The following ABCD3 variants were observed in gnomAD, a reference collection of about 807,000 sequenced individuals.
The protein encoded by ABCD3 is ATP binding cassette subfamily D member 3.
Under a neutral mutation model 105.5 loss-of-function variants are expected in ABCD3, and 41 were observed. The observed-to-expected ratio is 0.39, with a 90% CI of 0.30 to 0.50. ABCD3 has a LOEUF of 0.50. Ranked by LOEUF, ABCD3 falls within the 20% of genes least tolerant of loss-of-function variation. The probability of loss-of-function intolerance (pLI) is 0.84; values close to 1 mark genes in which losing one functional copy is unlikely to be tolerated. For synonymous variants in ABCD3, 258 were observed against 269.0 expected, an observed-to-expected ratio of 0.96 and a Z score of 0.40; for missense variants, 622 against 806.3, an observed-to-expected ratio of 0.77 and a Z score of 2.77.
At chr1:94,489,673 A>T in intron 13 of ABCD3, 52 bp from the exon 14 acceptor site, 1 of 1,255,520 alleles carries the variant, frequency 8.0e-7, no homozygotes, top group Non-Finnish European at 1.2e-6. Context: ...AAAATAAAAG[A>T]TGTGACAATA....
At chr1:94,505,441 G>T (rs1650308057) in intron 20 of ABCD3, among the ~76,000 whole-genome samples, 1 of 148,260 alleles carries the variant, frequency 6.7e-6, no homozygotes, top group African/African-American at 2.5e-5. Flanking sequence ...TCAAACTCCT[G>T]ATCTCTAGCA....
chr1:94,506,842 T>C (rs908392618), intron 21 of ABCD3, among the ~76,000 whole-genome samples, 200 bp downstream of exon 21: 3 of 151,986 alleles, frequency 2.0e-5, no homozygotes, highest in Non-Finnish European at 2.9e-5. Context: ...ATTCTCTTTA[T>C]ATATGGGAAA....
the ABCD3 span, among the ~76,000 whole-genome samples, chr1:94,395,159 T>C: frequency 6.6e-6 from 1 of 152,186 alleles, no homozygotes; most frequent in East Asian, 1.9e-4. Context: ...ATAATGCTTC[T>C]CTCAATACTC....
rs1649945751 is a variant in ABCD3, at chr1:94,498,661, T to C, written c.1446T>C (p.Leu482=). 1 of 1,613,964 alleles carries C rather than the reference T, an allele frequency of 6.2e-7. No individual in the cohort carries two copies. The highest frequency in any genetic ancestry group is 8.5e-7 in the Non-Finnish European group (1 of 1,179,980). The change falls in exon 17 of 23, where the codon CTT becomes CTC. Residue 482 remains leucine (L), a synonymous_variant. Transcript: ENST00000370214. ...CGPNGCGKSS[L]FRVLGELWPL... is the part of the protein sequence containing the mutation. Reference sequence around the variant, plus strand: ...CAAATGGCTGCGGAAAGAGTTCACTTTTCCGTGTTCTTGGTGAAGTAAGTA... The same window carrying C: ...CAAATGGCTGCGGAAAGAGTTCACTCTTCCGTGTTCTTGGTGAAGTAAGTA...
At chr1:94,496,694 G>GTTTTTTTTTTTTTTTTTTT (rs71094302) in intron 16 of ABCD3, among the ~76,000 whole-genome samples, 1 of 39,370 alleles carries the variant, frequency 2.5e-5, no homozygotes, top group Non-Finnish European at 4.1e-5. Context: ...CCTTGTTTCT[G>GTTTTTTTTTTTTTTTTTTT]TTTTTTTTTT....
chr1:94,500,584 G>A (rs927522972), intron 20 of ABCD3, among the ~76,000 whole-genome samples: 8 of 152,140 alleles, frequency 5.3e-5, no homozygotes, highest in African/African-American at 1.9e-4. Context: ...CTCTCCCCCT[G>A]CAGAGTATGG....
the ABCD3 span, among the ~76,000 whole-genome samples, chr1:94,390,612 A>T: frequency 2.6e-5 from 4 of 152,082 alleles, no homozygotes; most frequent in Non-Finnish European, 5.9e-5. Flanking sequence ...CCACTCCTGC[A>T]CTTTTAAAGT....
chr1:94,432,529 C>T (rs375792880), intron 1 of ABCD3: 36 of 152,248 alleles, frequency 2.4e-4, no homozygotes, highest in African/African-American at 8.7e-4. Context: ...AAATGTTTTA[C>T]GTTTATTCCT....
intron 3 of ABCD3, among the ~76,000 whole-genome samples, chr1:94,467,048 T>A (rs1293501609): frequency 6.6e-6 from 1 of 152,232 alleles, no homozygotes; most frequent in Non-Finnish European, 1.5e-5. Context: ...GCATCTTGAC[T>A]TTCCCTGCTT....
chr1:94,391,673 C>T, the ABCD3 span, among the ~76,000 whole-genome samples: 5 of 152,162 alleles, frequency 3.3e-5, no homozygotes, highest in East Asian at 1.9e-4. Flanking sequence ...CCTCTGGATC[C>T]TCCTAGGAAA....
intron 8 of ABCD3, among the ~76,000 whole-genome samples, chr1:94,479,684 T>C (rs1450276755): frequency 6.6e-6 from 1 of 152,124 alleles, no homozygotes; most frequent in Admixed American, 6.6e-5. Flanking sequence ...CATTAGATTA[T>C]GTCAGGCTTG....
At chr1:94,478,590 C>G (rs780416760) in intron 8 of ABCD3, 17 of 1,497,820 alleles carry the variant, frequency 1.1e-5, no homozygotes. Flanking sequence ...GTGGCTCATG[C>G]CTGTAATCCC....
Position 94,455,315 on chromosome 1 carries a change from T to C in ABCD3, c.111-3292T>C, listed in dbSNP as rs115601992. Among the ~76,000 whole-genome samples the C allele has an allele frequency of 9.0e-3, 1,364 of 151,816 alleles. 24 individuals carry two copies. The highest frequency in any genetic ancestry group is 0.032 in the African/African-American group (1,305 of 41,384). On this transcript the variant is annotated intron_variant, in intron 1 of 22. Coordinates refer to ENST00000370214, the MANE Select transcript of ABCD3 (RefSeq NM_002858.4). ...TCTCATAAAGAAGTTTTTAAGAAAC[T>C]TATAAATGAATTTTTTTTTTTTTTT... is the stretch of plus-strand genomic sequence containing the variant.
At chr1:94,516,729 C>T (rs965599959) in intron 22 of ABCD3, among the ~76,000 whole-genome samples, 5 of 151,802 alleles carry the variant, frequency 3.3e-5, no homozygotes, top group African/African-American at 4.8e-5. Flanking sequence ...TAGGATATAT[C>T]GGCAGTTTTT....
chr1:94,464,660 A>C (rs1377504195), intron 2 of ABCD3, 115 bp from the exon 3 acceptor site: 4 of 902,734 alleles, frequency 4.4e-6, no homozygotes, highest in Non-Finnish European at 7.3e-6. Flanking sequence ...TGTGTTTTGT[A>C]AATTCAGTTT....
chr1:94,440,779 G>A lies in ABCD3; in HGVS notation c.111-17828G>A, dbSNP rs570580701. Among the ~76,000 whole-genome samples the A allele has an allele frequency of 2.1e-4, 32 of 152,260 alleles. 1 individual carries two copies. Among genetic ancestry groups the A allele is most frequent in the East Asian group, 5.8e-4 (3 of 5,188 alleles). ...CTAGTTTTCTAGTTTCGTTGTATGT[G>A]TTGTCCATGGGTTTTGGGTTTTGCT... On this transcript the variant is annotated intron_variant, in intron 1 of 22. Coordinates refer to ENST00000370214, the MANE Select transcript of ABCD3 (RefSeq NM_002858.4).
chr1:94,474,169 C>T (rs1263368381), intron 5 of ABCD3, among the ~76,000 whole-genome samples: 1 of 143,838 alleles, frequency 7.0e-6, no homozygotes, highest in East Asian at 2.1e-4. Context: ...CAGTAGCACC[C>T]TTCTCCTAGT....
chr1:94,386,448 G>A, the ABCD3 span, among the ~76,000 whole-genome samples: 4 of 152,112 alleles, frequency 2.6e-5, no homozygotes, highest in East Asian at 7.7e-4. Flanking sequence ...TATTAGTACC[G>A]CTAGACTATC....
intron 3 of ABCD3, among the ~76,000 whole-genome samples, chr1:94,465,994 C>T (rs1337343200): frequency 2.0e-5 from 3 of 151,946 alleles, no homozygotes; most frequent in African/African-American, 4.8e-5. Context: ...ATTCCTTCAT[C>T]ATGCTGGATT....
Sources: allele counts gnomAD v4.1 joint callset (sites outside exome capture counted in the v4.1 genomes callset), GRCh38; gene constraint gnomAD v4.1.1; transcripts MANE v1.5; gene names NCBI Gene and HGNC (gene_info 2026-07-23, HGNC 2026-07-21).